ZHX2: variants seen among roughly 807,000 people sequenced by gnomAD.
The protein encoded by ZHX2 is zinc fingers and homeoboxes 2.
Under a neutral mutation model 21.9 loss-of-function variants are expected in ZHX2, and 6 were observed. The observed-to-expected ratio is 0.27, with a 90% CI of 0.15 to 0.54. ZHX2 has a LOEUF of 0.54. Among genes scored for constraint, ZHX2 ranks in the 20% least tolerant of loss-of-function variants. ZHX2 has a pLI of 0.95. For missense variants in ZHX2, 908 were observed against 1,090.7 expected (o/e 0.83, Z 2.36); for synonymous variants, 434 against 437.1 (o/e 0.99, Z 0.09).
Position 122,953,944 on chromosome 8 carries a change from A to T in ZHX2, c.2434A>T (p.Ser812Cys), listed in dbSNP as rs1369602118. 6.2e-7 allele frequency: 1 copy of T among 1,614,170 alleles called. No individual in the cohort carries two copies. Among genetic ancestry groups the T allele is most frequent in the South Asian group, 1.1e-5 (1 of 91,080 alleles). ...DAISDRSDSWSQAAAEGVSEL... is the reference protein window; with the variant it reads ...DAISDRSDSWCQAAAEGVSEL... Reference sequence around the variant, plus strand: ...GATCTCAGATAGATCAGATAGCTGGAGTCAGGCTGCGGCAGAAGGTGTGTC... The same window carrying T: ...GATCTCAGATAGATCAGATAGCTGGTGTCAGGCTGCGGCAGAAGGTGTGTC... The change falls in exon 3 of 4, where the codon AGT becomes TGT. Residue 812 changes from serine (S) to cysteine (C), a missense_variant. Ser to Cys is a moderately radical substitution (Grantham distance 112). Transcript: ENST00000314393. The surrounding 1 kb of genome is among the most constrained non-coding windows in gnomAD (Gnocchi z 4.6).
chr8:122,791,542 C>T (rs1292995387), intron 1 of ZHX2, among the ~76,000 whole-genome samples: 1 of 152,174 alleles, frequency 6.6e-6, no homozygotes, highest in Non-Finnish European at 1.5e-5. Flanking sequence ...GCAACAGATA[C>T]TTATCTGATC....
At chr8:122,785,792 G>T (rs1388348748) in intron 1 of ZHX2, among the ~76,000 whole-genome samples, 1 of 152,188 alleles carries the variant, frequency 6.6e-6, no homozygotes, top group East Asian at 1.9e-4. Context: ...GGTGGAGAGG[G>T]GGATGCAGGG....
chr8:122,913,004 C>T (rs539749500), intron 2 of ZHX2, among the ~76,000 whole-genome samples: 28 of 152,208 alleles, frequency 1.8e-4, no homozygotes, highest in Admixed American at 1.6e-3. Context: ...AAAAAGAAAC[C>T]CTATACCCAT....
intron 1 of ZHX2, among the ~76,000 whole-genome samples, chr8:122,785,906 G>A (rs969319768): frequency 2.6e-5 from 4 of 152,178 alleles, no homozygotes; most frequent in Admixed American, 1.3e-4. Flanking sequence ...TGAAGGTCAC[G>A]TGTTTGGGGA....
chr8:122,924,744 G>T (rs940080910), intron 2 of ZHX2, among the ~76,000 whole-genome samples: 5 of 152,146 alleles, frequency 3.3e-5, no homozygotes, highest in African/African-American at 1.2e-4. Context: ...TGAATGAACC[G>T]ATTGGCCCAT....
chr8:122,834,578 T>A (rs1818455603), intron 1 of ZHX2, among the ~76,000 whole-genome samples: 1 of 152,230 alleles, frequency 6.6e-6, no homozygotes, highest in Non-Finnish European at 1.5e-5. Flanking sequence ...CCTTTTACTT[T>A]CCTCATCACG....
At chr8:122,805,753 C>T (rs1817810359) in intron 1 of ZHX2, among the ~76,000 whole-genome samples, 1 of 152,164 alleles carries the variant, frequency 6.6e-6, no homozygotes, top group African/African-American at 2.4e-5. Flanking sequence ...GTTGTGTCTC[C>T]TCAGCCCAGC....
chr8:122,938,835 C>CAA (rs112900479), intron 2 of ZHX2, among the ~76,000 whole-genome samples: 10 of 147,992 alleles, frequency 6.8e-5, no homozygotes, highest in African/African-American at 2.5e-4. Flanking sequence ...AAGACTCTGT[C>CAA]AAAAAAAAAG....
chr8:122,953,196 A>T lies in ZHX2; in HGVS notation c.1686A>T (p.Leu562=), dbSNP rs1349435876. 3 of 1,613,728 alleles carry T rather than the reference A, an allele frequency of 1.9e-6. No individual in the cohort carries two copies. Among genetic ancestry groups the T allele is most frequent in the Non-Finnish European group, 2.5e-6 (3 of 1,179,986 alleles). The change falls in exon 3 of 4, where the codon CTA becomes CTT. Residue 562 remains leucine, a synonymous_variant. Transcript: ENST00000314393. The surrounding 1 kb of genome is among the most constrained non-coding windows in gnomAD (Gnocchi z 4.6). ...CTACCCAAGCAGAACTGGATCGGCT[A>T]AGGGTGGAGACCAAGCTGAGCAGGA... The part of the protein sequence containing the change: ...SFPTQAELDR[L]RVETKLSRRE...
At chr8:122,958,148 T>C (rs1813355407) in intron 3 of ZHX2, among the ~76,000 whole-genome samples, 2 of 152,190 alleles carry the variant, frequency 1.3e-5, no homozygotes, top group East Asian at 1.9e-4. Context: ...ATTTCCTCTG[T>C]AGGCGTTAAG....
At chr8:122,821,263 C>CG (rs1818140282) in intron 1 of ZHX2, among the ~76,000 whole-genome samples, 1 of 152,098 alleles carries the variant, frequency 6.6e-6, no homozygotes, top group South Asian at 2.1e-4. Context: ...CCTGCATGGA[C>CG]GGGAACTAGA....
At chr8:122,785,358 C>T (rs141489025) in intron 1 of ZHX2, among the ~76,000 whole-genome samples, 1 of 152,358 alleles carries the variant, frequency 6.6e-6, no homozygotes, top group East Asian at 1.9e-4. Flanking sequence ...GGAACCCAGA[C>T]TACTTCTTTC....
rs139065460 is a variant in ZHX2 at position 122,874,382 on chromosome 8, C to T, written c.-220+10843C>T. ...GGCACCCAGACTGGAGTGCCAATCT[C>T]AGCTGGAGTGCACAATCTCAGCTTA... On this transcript the variant is annotated intron_variant, in intron 2 of 3. Transcript: ENST00000314393. 8.7e-4 allele frequency among the ~76,000 whole-genome samples: 132 copies of T among 152,304 alleles called. No individual in the cohort carries two copies. The East Asian group carries it at 0.023, about 26-fold the overall frequency.
In ZHX2 at chr8:122,846,510, C is replaced by T. The variant is rs553849577; in HGVS notation, c.-282-16967C>T. Among the ~76,000 whole-genome samples the T allele has an allele frequency of 2.0e-5, 3 of 151,922 alleles. No individual in the cohort carries two copies. The East Asian group carries it at 5.8e-4, about 29-fold the overall frequency. ...GTCTGATACAAGAAACAAACAAAAA[C>T]CCCCGATGTCCTACCTTCTAATGTT... On this transcript the variant is annotated intron_variant, in intron 1 of 3. Coordinates refer to ENST00000314393, the MANE Select transcript of ZHX2 (RefSeq NM_014943.5).
intron 1 of ZHX2, among the ~76,000 whole-genome samples, chr8:122,844,456 A>T (rs1179232584): frequency 2.0e-5 from 3 of 152,262 alleles, no homozygotes; most frequent in Non-Finnish European, 4.4e-5. Flanking sequence ...GGCAAAAGAG[A>T]TCATGGATAT....
intron 1 of ZHX2, among the ~76,000 whole-genome samples, chr8:122,836,998 A>C (rs2130697431): frequency 6.6e-6 from 1 of 152,194 alleles, no homozygotes. Flanking sequence ...GCCCAAACCC[A>C]CGAAAATCAA....
intron 2 of ZHX2, among the ~76,000 whole-genome samples, chr8:122,905,271 C>A (rs1205254596): frequency 6.6e-6 from 1 of 152,214 alleles, no homozygotes; most frequent in Admixed American, 6.5e-5. Context: ...AAACCAAAGA[C>A]AGCCTTTAAA....
intron 3 of ZHX2, among the ~76,000 whole-genome samples, chr8:122,969,636 G>A (rs7819760): frequency 0.12 from 17,760 of 152,126 alleles, 1,528 homozygotes; most frequent in East Asian, 0.45. Context: ...AGGTTTGTCC[G>A]TATCAAAAAT....
chr8:122,845,039 G>A (rs1159951115), intron 1 of ZHX2, among the ~76,000 whole-genome samples: 1 of 152,150 alleles, frequency 6.6e-6, no homozygotes, highest in African/African-American at 2.4e-5. Context: ...TGGTCTCCCT[G>A]TGCCCAAACA....
Sources: allele counts gnomAD v4.1 joint callset (sites outside exome capture counted in the v4.1 genomes callset), GRCh38; gene constraint gnomAD v4.1.1; non-coding constraint Gnocchi (gnomAD v3.1); transcripts MANE v1.5; gene names NCBI Gene and HGNC (gene_info 2026-07-23, HGNC 2026-07-21).